ZNF510: variants seen among roughly 807,000 people sequenced by gnomAD.
ZNF510 encodes the protein zinc finger protein 510.
A neutral mutation model predicts 18.1 loss-of-function variants in ZNF510; 15 were observed. The ratio of observed to expected loss-of-function variants is 0.83; its 90% CI spans 0.55 to 1.28. ZNF510 has a LOEUF of 1.28. Ranked by LOEUF, ZNF510 falls within the 50% of genes most tolerant of loss-of-function variation. The probability of loss-of-function intolerance (pLI) is 0.00; values close to 1 mark genes in which losing one functional copy is unlikely to be tolerated. For missense variants in ZNF510, 724 were observed against 791.8 expected (o/e 0.91, Z 1.03); for synonymous variants, 261 against 266.4 (o/e 0.98, Z 0.20).
intron 3 of ZNF510, among the ~76,000 whole-genome samples, chr9:96,767,840 CA>C (rs1849507595): frequency 6.6e-6 from 1 of 152,010 alleles, no homozygotes; most frequent in Non-Finnish European, 1.5e-5. Context: ...CTAATTCTTC[CA>C]AAAATAGAAG....
At chr9:96,772,153 T>G (rs929606556) in intron 3 of ZNF510, among the ~76,000 whole-genome samples, 1 of 152,184 alleles carries the variant, frequency 6.6e-6, no homozygotes, top group Non-Finnish European at 1.5e-5. Flanking sequence ...AAAAAACAGC[T>G]GCAATTCAGT....
At position 96,759,105 on chromosome 9, in the gene ZNF510, G is replaced by T; in HGVS notation, c.1725C>A (p.Asn575Lys). The T allele has an allele frequency of 1.2e-6, 2 of 1,613,642 alleles. No homozygotes were observed. Among genetic ancestry groups the T allele is most frequent in the South Asian group, 1.1e-5 (1 of 91,052 alleles). The change falls in exon 6 of 6, where the codon AAC becomes AAA. Residue 575 changes from asparagine (N) to lysine (K), a missense_variant. Asn to Lys is a moderately conservative substitution (Grantham distance 94, BLOSUM62 0). Coordinates refer to ENST00000223428, the MANE Select transcript of ZNF510 (RefSeq NM_014930.3). ...TCCGGGCAAAAGTTTTCCCACATTC[G>T]TTACATTTGAATGGTTTCTCTCCCG... Reference protein sequence around the residue: ...THTGEKPFKCNECGKTFARTS... With the variant: ...THTGEKPFKCKECGKTFARTS...
chr9:96,759,397 T>G lies in ZNF510; in HGVS notation c.1433A>C (p.His478Pro). ...TTTTTCTCCTGTGTGAATTCTTTGA[T>G]GTCCCCTGAGGGTTGACTTCTGGAC... ...TFVQKSTLRG[H>P]QRIHTGEKPY... Residue 478 changes from histidine (H) to proline (P), a missense_variant, in exon 6 of 6, where the codon CAT becomes CCT. Transcript: ENST00000223428. 6.2e-7 allele frequency: 1 copy of G among 1,614,202 alleles called. No individual in the cohort carries two copies. Among genetic ancestry groups the G allele is most frequent in the East Asian group, 2.2e-5 (1 of 44,886 alleles).
At chr9:96,768,479 T>C (rs1350699297) in intron 3 of ZNF510, among the ~76,000 whole-genome samples, 1 of 152,144 alleles carries the variant, frequency 6.6e-6, no homozygotes, top group Non-Finnish European at 1.5e-5. Flanking sequence ...CACAAAAAAC[T>C]ATTAGAGCCA....
intron 3 of ZNF510, among the ~76,000 whole-genome samples, chr9:96,768,776 T>A (rs192970002): frequency 6.6e-5 from 10 of 152,164 alleles, no homozygotes; most frequent in Non-Finnish European, 1.5e-4. Context: ...AAAAGTGATA[T>A]ACAGATTCAG....
intron 3 of ZNF510, among the ~76,000 whole-genome samples, chr9:96,766,230 T>C (rs866271159): frequency 5.0e-4 from 76 of 152,134 alleles, no homozygotes; most frequent in African/African-American, 1.7e-3. Context: ...GTGATTTTAA[T>C]GTAACTCTCC....
intron 4 of ZNF510, 57 bp downstream of exon 4, chr9:96,763,449 A>C: frequency 1.3e-6 from 2 of 1,538,658 alleles, no homozygotes; most frequent in South Asian, 2.6e-5. Flanking sequence ...ATTGGCACTT[A>C]AAAAAGAAAT....
In ZNF510 at chr9:96,772,258, A is replaced by G. The variant is rs561000380; in HGVS notation, c.129+2530T>C. On this transcript the variant is annotated intron_variant, in intron 3 of 5. Transcript: ENST00000223428. ...GACACTCACCTTATACCAAACACAA[A>G]AGCTAACTCTATGTAGATCAAGCTA... Among the ~76,000 whole-genome samples, 4 of 152,156 alleles carry G rather than the reference A, an allele frequency of 2.6e-5. No individual in the cohort carries two copies. The East Asian group carries it at 7.7e-4, about 29-fold the overall frequency.
In ZNF510 at chr9:96,774,770, T is replaced by C. The variant is rs758573671; in HGVS notation, c.129+18A>G. The C allele has an allele frequency of 1.2e-6, 2 of 1,606,016 alleles. No homozygotes were observed. Among genetic ancestry groups the C allele is most frequent in the East Asian group, 2.2e-5 (1 of 44,824 alleles). ...CCTATGAAATCCATGATGAAAAAGG[T>C]ATTAGTAATTAACTCACCTGAGATA... is the stretch of plus-strand genomic sequence containing the variant. On this transcript the variant is annotated intron_variant, in intron 3 of 5. Coordinates refer to ENST00000223428, the MANE Select transcript of ZNF510 (RefSeq NM_014930.3).
At chr9:96,773,884 C>T (rs779256451) in intron 3 of ZNF510, among the ~76,000 whole-genome samples, 4 of 152,184 alleles carry the variant, frequency 2.6e-5, no homozygotes, top group Non-Finnish European at 5.9e-5. Context: ...CCCCTGTTGA[C>T]ATCTTGATCT....
At chr9:96,775,627 G>A (rs1475282708) in intron 2 of ZNF510, among the ~76,000 whole-genome samples, 1 of 152,146 alleles carries the variant, frequency 6.6e-6, no homozygotes, top group Non-Finnish European at 1.5e-5. Flanking sequence ...ACTGTGCTTT[G>A]CTCCAAGCTC....
rs1849220465 is a variant in ZNF510, at chr9:96,757,357, T to C, written c.*1421A>G. The C allele has an allele frequency of 6.6e-6, 1 of 152,220 alleles. No individual in the cohort carries two copies. The highest frequency in any genetic ancestry group is 2.1e-4 in the South Asian group (1 of 4,832). The allele number at this position is 152,220 out of a possible 1,614,324, so 9.4% of individuals were successfully genotyped here. ...TGCTCACCATTCAGCCAAAAGACTT[T>C]TAGGTTCATGCAAAGCCCTGTATCA... On this transcript the variant is annotated 3_prime_UTR_variant, in exon 6 of 6. Coordinates refer to ENST00000223428, the MANE Select transcript of ZNF510 (RefSeq NM_014930.3).
chr9:96,758,894 G>A lies in ZNF510; in HGVS notation c.1936C>T (p.His646Tyr), dbSNP rs1198287700. The change falls in exon 6 of 6, where the codon CAT becomes TAT. Residue 646 changes from histidine (H) to tyrosine (Y), a missense_variant. By Grantham distance (83) the His-to-Tyr change is moderately conservative. Coordinates refer to ENST00000223428, the MANE Select transcript of ZNF510 (RefSeq NM_014930.3). ...TFGQKSNLRI[H>Y]QRTHSGEKSY... ...TTCTCCCCACTGTGAGTCCTTTGAT[G>A]TATTCTGAGGTTTGATTTCTGGCCA... is the stretch of plus-strand genomic sequence containing the variant. The A allele has an allele frequency of 2.5e-6, 4 of 1,613,952 alleles. No individual in the cohort carries two copies. Among genetic ancestry groups the A allele is most frequent in the Admixed American group, 3.3e-5 (2 of 59,998 alleles).
intron 3 of ZNF510, among the ~76,000 whole-genome samples, chr9:96,765,028 G>C (rs560782321): frequency 2.6e-5 from 4 of 152,084 alleles, no homozygotes; most frequent in Admixed American, 2.6e-4. Context: ...CAGGAGAATC[G>C]TTTGGACCTG....
At position 96,776,007 on chromosome 9, in the gene ZNF510, T is replaced by C. The variant is rs1159832904; in HGVS notation, c.63A>G (p.Ala21=). ...CTCTCAACCCCAGCTTACCACCTTC[T>C]GCAAGTTGGCCCACAGTGTTCAGTG... ...CVTLNTVGQL[A]EGGYPLRFST... Residue 21 remains alanine (A), a synonymous_variant, in exon 2 of 6, where the codon GCA becomes GCG. Transcript: ENST00000223428. 2.5e-6 allele frequency: 4 copies of C among 1,608,750 alleles called. No homozygotes were observed. Among genetic ancestry groups the C allele is most frequent in the Admixed American group, 3.4e-5 (2 of 59,468 alleles).
Position 96,776,161 on chromosome 9 carries a change from T to A in ZNF510, c.-92A>T. On this transcript the variant is annotated 5_prime_UTR_variant, in exon 2 of 6. Coordinates refer to ENST00000223428, the MANE Select transcript of ZNF510 (RefSeq NM_014930.3). ...GCTCCTTTCTGGGTTCTTCTGCATC[T>A]GTTTGGAAGCCCTGGTGAGGAGGTC... is the stretch of plus-strand genomic sequence containing the variant. 6.6e-7 allele frequency: 1 copy of A among 1,521,574 alleles called. No individual in the cohort carries two copies. Among genetic ancestry groups the A allele is most frequent in the South Asian group, 1.3e-5 (1 of 78,632 alleles). 94.3% of individuals were successfully genotyped at this position (1,521,574 alleles called of 1,614,324 possible).
rs1849274875 is a variant in ZNF510, at chr9:96,759,260, T to G, written c.1570A>C (p.Thr524Pro). Residue 524 changes from threonine to proline, a missense_variant, in exon 6 of 6, where the codon ACA becomes CCA. Transcript: ENST00000223428. ...CTGAGGTTTGACTTCTGGCCAAATG[T>G]TTTTCCACATTGATTGCATTGAAAG... ...KSFQCNQCGK[T>P]FGQKSNLRIH... 6.2e-7 allele frequency: 1 copy of G among 1,613,926 alleles called. No homozygotes were observed. The highest frequency in any genetic ancestry group is 8.5e-7 in the Non-Finnish European group (1 of 1,179,962).
rs1179760581 is a variant in ZNF510 at position 96,758,915 on chromosome 9, G to C, written c.1915C>G (p.Gln639Glu). 3.1e-6 allele frequency: 5 copies of C among 1,613,984 alleles called. No homozygotes were observed. The East Asian group carries it at 1.1e-4, about 36-fold the overall frequency. ...TGATGTATTCTGAGGTTTGATTTCT[G>C]GCCAAAAGTTTTCCCACATTTATTA... is the stretch of plus-strand genomic sequence containing the variant. The part of the protein sequence containing the change: ...QCNKCGKTFG[Q>E]KSNLRIHQRT... Residue 639 changes from glutamine (Q) to glutamate (E), a missense_variant, in exon 6 of 6, where the codon CAG becomes GAG. Gln to Glu is a conservative substitution (Grantham distance 29, BLOSUM62 2). Coordinates refer to ENST00000223428, the MANE Select transcript of ZNF510 (RefSeq NM_014930.3).
chr9:96,762,504 G>A (rs62558805), intron 5 of ZNF510, among the ~76,000 whole-genome samples: 3,072 of 130,758 alleles, frequency 0.023, 48 homozygotes, highest in Non-Finnish European at 0.03. Context: ...GGGAGACTCC[G>A]TCTCAAAAAA....
Sources: gnomAD v4.1 joint callset for allele counts (sites outside exome capture counted in the v4.1 genomes callset) on GRCh38, gnomAD v4.1.1 for gene constraint, MANE v1.5 for transcripts, NCBI Gene and HGNC (gene_info 2026-07-23, HGNC 2026-07-21) for gene names.